The following ZNF470 variants were observed in gnomAD, a reference collection of about 807,000 sequenced individuals.
ZNF470 encodes zinc finger protein 470.
In ZNF470, 13 loss-of-function variants were observed where a neutral mutation model predicts 13.9. The ratio of observed to expected loss-of-function variants is 0.94; its 90% CI spans 0.61 to 1.49. The LOEUF is 1.49. Ranked by LOEUF, ZNF470 falls within the 40% of genes most tolerant of loss-of-function variation. The pLI is 0.00. For synonymous variants in ZNF470, 293 were observed against 282.9 expected (o/e 1.04, Z -0.36); for missense variants, 929 against 857.3 (o/e 1.08, Z -1.04).
At chr19:56,574,617 T>TA (rs750801723) in intron 4 of ZNF470, 21 bp from the exon 5 acceptor site, 21 of 1,612,418 alleles carry the variant, frequency 1.3e-5, no homozygotes, top group Non-Finnish European at 1.7e-5. Flanking sequence ...AGGCAATTTT[T>TA]ATATGTCTTT....
Position 56,582,383 on chromosome 19 carries a change from G to C in ZNF470, c.*3800G>C, listed in dbSNP as rs1313108533. On this transcript the variant is annotated 3_prime_UTR_variant, in exon 6 of 6. Coordinates refer to ENST00000330619, the MANE Select transcript of ZNF470 (RefSeq NM_001001668.4). The stretch of plus-strand genomic sequence containing the variant: ...GGGATTTTGTATGATATTGTTGAAA[G>C]ATGTCTTACATTGTTTAAAGTCATA... The C allele has an allele frequency of 7.1e-6, 7 of 985,198 alleles. No homozygotes were observed. The highest frequency in any genetic ancestry group is 1.7e-5 in the African/African-American group (1 of 57,206). The allele number at this position is 985,198 out of a possible 1,614,324, so 61.0% of individuals were successfully genotyped here.
At position 56,582,016 on chromosome 19, in the gene ZNF470, T is replaced by G; in HGVS notation, c.*3433T>G. ...CTCCTGTTGGTCAGTTGCTTGCAAG[T>G]AAAGAAACAATCATACAGAATTTGG... On this transcript the variant is annotated 3_prime_UTR_variant, in exon 6 of 6. Coordinates refer to ENST00000330619, the MANE Select transcript of ZNF470 (RefSeq NM_001001668.4). The G allele has an allele frequency of 1.0e-6, 1 of 985,434 alleles. No individual in the cohort carries two copies. The highest frequency in any genetic ancestry group is 1.2e-6 in the Non-Finnish European group (1 of 829,926). 61.0% of individuals were successfully genotyped at this position (985,434 alleles called of 1,614,324 possible). A position where few individuals can be genotyped will look rare whatever the true frequency, so the allele number is the denominator to read the frequency against.
At position 56,581,257 on chromosome 19, in the gene ZNF470, C is replaced by A; in HGVS notation, c.*2674C>A. The A allele has an allele frequency of 1.6e-6, 1 of 619,524 alleles. No individual in the cohort carries two copies. Among genetic ancestry groups the A allele is most frequent in the Non-Finnish European group, 2.0e-6 (1 of 496,374 alleles). The allele number at this position is 619,524 out of a possible 1,614,324, so 38.4% of individuals were successfully genotyped here. A position where few individuals can be genotyped will look rare whatever the true frequency, so the allele number is the denominator to read the frequency against. ...GCAGTTAATGAAAATTATCCAATAT[C>A]ACTAGAAATCAAGAAATGCAAATTA... On this transcript the variant is annotated 3_prime_UTR_variant, in exon 6 of 6. Transcript: ENST00000330619.
Position 56,567,929 on chromosome 19 carries a change from C to T in ZNF470, c.-268C>T. 2 of 985,750 alleles carry T rather than the reference C, an allele frequency of 2.0e-6. No individual in the cohort carries two copies. Among genetic ancestry groups the T allele is most frequent in the Non-Finnish European group, 2.4e-6 (2 of 830,206 alleles). 61.1% of individuals were successfully genotyped at this position (985,750 alleles called of 1,614,324 possible). A position where few individuals can be genotyped will look rare whatever the true frequency, so the allele number is the denominator to read the frequency against. ...GGGGAAGTTGCCCGGGCGGGGCAGC[C>T]TCGGCTGAAGCATTTCCTGTCAGCC... On this transcript the variant is annotated 5_prime_UTR_variant, in exon 1 of 6. Coordinates refer to ENST00000330619, the MANE Select transcript of ZNF470 (RefSeq NM_001001668.4).
At position 56,577,189 on chromosome 19, in the gene ZNF470, A is replaced by T. The variant is rs2044494977; in HGVS notation, c.760A>T (p.Lys254Ter). The change falls in exon 6 of 6, where the codon AAA (lysine) becomes TAA (stop). Residue 254 changes from lysine (K) to a stop codon, truncating the protein, a stop_gained. Coordinates refer to ENST00000330619, the MANE Select transcript of ZNF470 (RefSeq NM_001001668.4). LOFTEE classifies it low-confidence loss of function (END_TRUNC). ...TCACCAAAGAATTCATACAGGAGAG[A>T]AACCCTATGAATGTATTGAATGTGG... ...TLHQRIHTGEKPYECIECGKA... is the reference protein window; with the variant it reads ...TLHQRIHTGE 6.2e-7 allele frequency: 1 copy of T among 1,612,922 alleles called. No individual in the cohort carries two copies. Among genetic ancestry groups the T allele is most frequent in the Non-Finnish European group, 8.5e-7 (1 of 1,179,650 alleles).
chr19:56,581,615 T>C lies in ZNF470; in HGVS notation c.*3032T>C. On this transcript the variant is annotated 3_prime_UTR_variant, in exon 6 of 6. Transcript: ENST00000330619. ...TCATAGAAAGATAGCTGTGCTATAC[T>C]AAATGAAAAATTGCAGACCTGTATT... The C allele has an allele frequency of 1.1e-6, 1 of 879,856 alleles. No individual in the cohort carries two copies. 54.5% of individuals were successfully genotyped at this position (879,856 alleles called of 1,614,324 possible).
In ZNF470 at chr19:56,567,523, G is replaced by A. The variant is rs989615445; in HGVS notation, c.-674G>A. 3 of 986,226 alleles carry A rather than the reference G, an allele frequency of 3.0e-6. No homozygotes were observed. The African/African-American group carries it at 5.2e-5, about 17-fold the overall frequency. 61.1% of individuals were successfully genotyped at this position (986,226 alleles called of 1,614,324 possible). On this transcript the variant is annotated 5_prime_UTR_variant, in exon 1 of 6. Coordinates refer to ENST00000330619, the MANE Select transcript of ZNF470 (RefSeq NM_001001668.4). ...TGCACGTCCCGCCGGTTGCTGAGGA[G>A]AAGGGAGGTCTGGGCGGGGCAGCGG...
intron 2 of ZNF470, among the ~76,000 whole-genome samples, chr19:56,569,479 G>A (rs1013898430): frequency 6.6e-6 from 1 of 152,192 alleles, no homozygotes; most frequent in African/African-American, 2.4e-5. Context: ...TGGTATATGA[G>A]CAAATAACTT....
chr19:56,577,009 C>G lies in ZNF470; in HGVS notation c.580C>G (p.Pro194Ala), dbSNP rs911927913. Residue 194 changes from proline to alanine, a missense_variant, in exon 6 of 6, where the codon CCC (proline) becomes GCC (alanine). Coordinates refer to ENST00000330619, the MANE Select transcript of ZNF470 (RefSeq NM_001001668.4). ...ATTATCTTATATAAAACAGATTTTTCCCATGGAAGAGAGAATATTTAATTT... is the reference window on the plus strand; with the variant it reads ...ATTATCTTATATAAAACAGATTTTTGCCATGGAAGAGAGAATATTTAATTT... ...NTLSYIKQIF[P>A]MEERIFNFHT... 1 of 1,583,054 alleles carries G rather than the reference C, an allele frequency of 6.3e-7. No homozygotes were observed. Among genetic ancestry groups the G allele is most frequent in the Non-Finnish European group, 8.5e-7 (1 of 1,169,722 alleles).
chr19:56,571,614 CTTT>C (rs58632547), intron 3 of ZNF470, among the ~76,000 whole-genome samples: 1 of 142,808 alleles, frequency 7.0e-6, no homozygotes. Flanking sequence ...TGTTTTTTGT[CTTT>C]TTTTTTTTTG....
At chr19:56,568,304 C>T (rs2044425942) in intron 1 of ZNF470, among the ~76,000 whole-genome samples, 1 of 152,140 alleles carries the variant, frequency 6.6e-6, no homozygotes, top group Admixed American at 6.5e-5. Flanking sequence ...GAGAACACTA[C>T]CCGTAATATT....
intron 2 of ZNF470, among the ~76,000 whole-genome samples, chr19:56,569,137 C>G (rs1431314324): frequency 6.6e-6 from 1 of 152,166 alleles, no homozygotes; most frequent in Non-Finnish European, 1.5e-5. Flanking sequence ...TCATTTTTAT[C>G]ATCATTATGA....
Position 56,578,904 on chromosome 19 carries a change from A to G in ZNF470, c.*321A>G, listed in dbSNP as rs1405262347. 2 of 1,050,512 alleles carry G rather than the reference A, an allele frequency of 1.9e-6. No individual in the cohort carries two copies. Among genetic ancestry groups the G allele is most frequent in the African/African-American group, 3.3e-5 (2 of 59,702 alleles). 65.1% of individuals were successfully genotyped at this position (1,050,512 alleles called of 1,614,324 possible). A position where few individuals can be genotyped will look rare whatever the true frequency, so the allele number is the denominator to read the frequency against. ...CATTAAGGTAAAGGTTTCCTTACAA[A>G]CTATCATATTAAGCAGCAAGTAAAC... On this transcript the variant is annotated 3_prime_UTR_variant, in exon 6 of 6. Transcript: ENST00000330619.
chr19:56,567,779 G>C lies in ZNF470; in HGVS notation c.-418G>C. 1 of 987,430 alleles carries C rather than the reference G, an allele frequency of 1.0e-6. No homozygotes were observed. The highest frequency in any genetic ancestry group is 1.2e-6 in the Non-Finnish European group (1 of 831,456). The allele number at this position is 987,430 out of a possible 1,614,324, so 61.2% of individuals were successfully genotyped here. ...ATGGCCCGGCGGCGTGCGGAAGGCGGTGTGTGTTGGAATGAGTGAAGCACT... is the reference window on the plus strand; with the variant it reads ...ATGGCCCGGCGGCGTGCGGAAGGCGCTGTGTGTTGGAATGAGTGAAGCACT... On this transcript the variant is annotated 5_prime_UTR_variant, in exon 1 of 6. Coordinates refer to ENST00000330619, the MANE Select transcript of ZNF470 (RefSeq NM_001001668.4).
Position 56,574,692 on chromosome 19 carries a change from CTTG to C in ZNF470, c.243_245del (p.Trp82del). On this transcript the variant is annotated inframe_deletion, in exon 5 of 6. Coordinates refer to ENST00000330619, the MANE Select transcript of ZNF470 (RefSeq NM_001001668.4). Reference sequence around the variant, plus strand: ...TCCTTACTGGAGCAAGAGAAAGACCCTTGGGTGATAAAAGGAGGGATGAACAGA... The same window carrying C: ...TCCTTACTGGAGCAAGAGAAAGACCCGGTGATAAAAGGAGGGATGAACAGA... 1.2e-6 allele frequency: 2 copies of C among 1,613,724 alleles called. No individual in the cohort carries two copies. Among genetic ancestry groups the C allele is most frequent in the South Asian group, 2.2e-5 (2 of 91,074 alleles).
Position 56,580,059 on chromosome 19 carries a change from C to A in ZNF470, c.*1476C>A. ...TAGAACAGAAAAAATTAAATGCATG[C>A]TATGTGATAAGTATATGATATGTCC... On this transcript the variant is annotated 3_prime_UTR_variant, in exon 6 of 6. Transcript: ENST00000330619. 1 of 730,152 alleles carries A rather than the reference C, an allele frequency of 1.4e-6. No homozygotes were observed. The highest frequency in any genetic ancestry group is 1.7e-6 in the Non-Finnish European group (1 of 597,688). The allele number at this position is 730,152 out of a possible 1,614,324, so 45.2% of individuals were successfully genotyped here. A position where few individuals can be genotyped will look rare whatever the true frequency, so the allele number is the denominator to read the frequency against.
chr19:56,575,055 C>T (rs1195254943), intron 5 of ZNF470, among the ~76,000 whole-genome samples: 1 of 152,114 alleles, frequency 6.6e-6, no homozygotes, highest in Non-Finnish European at 1.5e-5. Context: ...GTTTTTTGAA[C>T]TGGTTTAAAT....
chr19:56,574,328 CTT>C (rs773975892), intron 3 of ZNF470, 64 bp from the exon 4 acceptor site: 5 of 1,610,012 alleles, frequency 3.1e-6, no homozygotes, highest in Non-Finnish European at 4.2e-6. Context: ...CAGCATAACT[CTT>C]TACCCTAGAG....
Position 56,579,277 on chromosome 19 carries a change from C to G in ZNF470, c.*694C>G, listed in dbSNP as rs2044517563. 3.2e-6 allele frequency: 2 copies of G among 625,518 alleles called. No individual in the cohort carries two copies. Among genetic ancestry groups the G allele is most frequent in the Admixed American group, 1.3e-4 (2 of 15,800 alleles). The allele number at this position is 625,518 out of a possible 1,614,324, so 38.7% of individuals were successfully genotyped here. A position where few individuals can be genotyped will look rare whatever the true frequency, so the allele number is the denominator to read the frequency against. On this transcript the variant is annotated 3_prime_UTR_variant, in exon 6 of 6. Transcript: ENST00000330619. ...TCTCTACAAAAAATACAGAAATTAG[C>G]CAGGCGTGGTGGTGCACACCTGTAG...
Sources: allele counts gnomAD v4.1 joint callset (sites outside exome capture counted in the v4.1 genomes callset), GRCh38; gene constraint gnomAD v4.1.1; transcripts MANE v1.5; gene names NCBI Gene and HGNC (gene_info 2026-07-23, HGNC 2026-07-21).